MTA3: variants seen among roughly 807,000 people sequenced by gnomAD.
The protein encoded by MTA3 is metastasis associated 1 family member 3, also known as metastasis-associated protein MTA3.
In MTA3, 34 loss-of-function variants were observed where a neutral mutation model predicts 83.5. That is an observed-to-expected ratio of 0.41 (90% CI 0.31 to 0.54). The LOEUF (loss-of-function observed/expected upper bound fraction) is 0.54. Among genes scored for constraint, MTA3 ranks in the 20% least tolerant of loss-of-function variants. The pLI is 0.33. For synonymous variants in MTA3, 303 were observed against 252.7 expected (o/e 1.20, Z -1.89); for missense variants, 761 against 726.4 (o/e 1.05, Z -0.55).
intron 10 of MTA3, among the ~76,000 whole-genome samples, chr2:42,697,012 A>AAT (rs1360209783): frequency 6.6e-6 from 1 of 152,242 alleles, no homozygotes; most frequent in Non-Finnish European, 1.5e-5. Flanking sequence ...CCCTGTTCTA[A>AAT]AAGTTTCAAG....
chr2:42,702,184 C>G (rs181736991), intron 11 of MTA3: 3 of 152,410 alleles, frequency 2.0e-5, no homozygotes, highest in Admixed American at 2.0e-4. Context: ...GCACTCCAGC[C>G]TGGGTCACAA....
At chr2:42,538,497 G>A (rs539774067) in intron 2 of MTA3, among the ~76,000 whole-genome samples, 3 of 151,800 alleles carry the variant, frequency 2.0e-5, no homozygotes, top group Non-Finnish European at 4.4e-5. Flanking sequence ...CACCTGAGGT[G>A]AGGAGTTCGA....
chr2:42,722,914 T>A lies in MTA3; in HGVS notation c.1638T>A (p.Asn546Lys). Residue 546 changes from asparagine to lysine, a missense_variant, in exon 16 of 17, where the codon AAT (asparagine) becomes AAA (lysine). Asn to Lys is a moderately conservative substitution (Grantham distance 94). Transcript: ENST00000405094. ...YLEIHPAKKP[N>K]VIRSTPSLQT... ...AGATCCATCCTGCAAAGAAACCTAA[T>A]GTAATTCGATCTACACCAAGCCTGC... is the stretch of plus-strand genomic sequence containing the variant. 6.6e-7 allele frequency: 1 copy of A among 1,511,030 alleles called. No individual in the cohort carries two copies. The highest frequency in any genetic ancestry group is 8.9e-7 in the Non-Finnish European group (1 of 1,127,458). 93.6% of individuals were successfully genotyped at this position (1,511,030 alleles called of 1,614,324 possible).
In MTA3 at chr2:42,727,660, C is replaced by G. The variant is rs915119346; in HGVS notation, c.1759+4625C>G. ...ATCAGTTAGGATTAATTGCTTACTC[C>G]TCTGATTGCTTCTTGTGTGACCTTG... is the stretch of plus-strand genomic sequence containing the variant. On this transcript the variant is annotated intron_variant, in intron 16 of 16. Coordinates refer to ENST00000405094, the MANE Select transcript of MTA3 (RefSeq NM_001330442.2). Among the ~76,000 whole-genome samples the G allele has an allele frequency of 5.3e-5, 8 of 151,928 alleles. No homozygotes were observed. The East Asian group carries it at 1.5e-3, about 29-fold the overall frequency.
chr2:42,711,775 A>AGTGTGTGTTTGTGTGTTTGTGTGT (rs372997456), intron 14 of MTA3, among the ~76,000 whole-genome samples: 1 of 139,410 alleles, frequency 7.2e-6, no homozygotes, highest in Admixed American at 7.3e-5. Context: ...TGTATAGGAG[A>AGTGTGTGTTTGTGTGTTTGTGTGT]GAGAGAGAGT....
intron 12 of MTA3, among the ~76,000 whole-genome samples, chr2:42,705,943 T>C (rs1666043337): frequency 6.6e-6 from 1 of 152,230 alleles, no homozygotes; most frequent in East Asian, 1.9e-4. Context: ...TGATACCTAC[T>C]TTCCAATTGA....
intron 4 of MTA3, among the ~76,000 whole-genome samples, chr2:42,617,991 CT>C (rs1056733527): frequency 6.6e-6 from 1 of 151,862 alleles, no homozygotes. Context: ...GTTGCCCAGG[CT>C]GATGGGCAAT....
In MTA3 at chr2:42,622,500, C is replaced by G. The variant is rs539617983; in HGVS notation, c.317+12916C>G. Among the ~76,000 whole-genome samples, 6 of 152,220 alleles carry G rather than the reference C, an allele frequency of 3.9e-5. No homozygotes were observed. The East Asian group carries it at 1.2e-3, about 29-fold the overall frequency. ...AGTAATTATTCATAACAAATACTTG[C>G]TAATTTGTAATATGTTTTTATTTTA... On this transcript the variant is annotated intron_variant, in intron 4 of 16. Coordinates refer to ENST00000405094, the MANE Select transcript of MTA3 (RefSeq NM_001330442.2).
chr2:42,583,040 A>T (rs1045409254), intron 3 of MTA3, among the ~76,000 whole-genome samples: 1 of 152,076 alleles, frequency 6.6e-6, no homozygotes, highest in Non-Finnish European at 1.5e-5. Context: ...TAGAGAAATT[A>T]CTTCATTTTG....
chr2:42,548,802 C>CAAAA (rs1362657510), intron 2 of MTA3, among the ~76,000 whole-genome samples: 538 of 42,900 alleles, frequency 0.013, 36 homozygotes, highest in Middle Eastern at 0.043. Flanking sequence ...GACCCTGTCT[C>CAAAA]AAAAAAAAAT....
chr2:42,527,052 CAAAAAAAA>C (rs34030475), intron 2 of MTA3, among the ~76,000 whole-genome samples: 1 of 45,334 alleles, frequency 2.2e-5, no homozygotes, highest in Non-Finnish European at 4.0e-5. Flanking sequence ...GACTCTGTCT[CAAAAAAAA>C]AAAAAAAAAA....
chr2:42,715,681 A>G (rs1387344123), intron 14 of MTA3, among the ~76,000 whole-genome samples: 1 of 152,214 alleles, frequency 6.6e-6, no homozygotes, highest in South Asian at 2.1e-4. Context: ...ATGAGAAATT[A>G]GAAGCAAATA....
rs942623688 is a variant in MTA3 at position 42,755,079 on chromosome 2, TCTC to T, written c.*1684_*1686del. ...AGGGGTGGAGGTGGCAGGCAGGGGT[TCTC>T]CTCAGGGTTCCCACTGAGGGGTCCC... is the stretch of plus-strand genomic sequence containing the variant. On this transcript the variant is annotated 3_prime_UTR_variant, in exon 17 of 17. Transcript: ENST00000405094. 16 of 985,428 alleles carry T rather than the reference TCTC, an allele frequency of 1.6e-5. No individual in the cohort carries two copies. The highest frequency in any genetic ancestry group is 1.9e-5 in the Non-Finnish European group (16 of 830,046). The allele number at this position is 985,428 out of a possible 1,614,324, so 61.0% of individuals were successfully genotyped here.
intron 8 of MTA3, among the ~76,000 whole-genome samples, chr2:42,667,713 C>T (rs1051871866): frequency 2.6e-5 from 4 of 151,712 alleles, no homozygotes; most frequent in Non-Finnish European, 4.4e-5. Flanking sequence ...TAGCTCACTG[C>T]AGCCTCAAAC....
rs544837610 is a variant in MTA3, at chr2:42,662,696, C to T, written c.702+2834C>T. Among the ~76,000 whole-genome samples the T allele has an allele frequency of 6.6e-5, 10 of 151,546 alleles. No homozygotes were observed. The South Asian group carries it at 1.7e-3, about 25-fold the overall frequency. ...TTTAACTGTTTTAAATGACCTCCAC[C>T]GCCCCTATGTTTTCCCTAACTATAT... On this transcript the variant is annotated intron_variant, in intron 8 of 16. Transcript: ENST00000405094.
chr2:42,682,377 T>A (rs1424700086), intron 8 of MTA3, 24 bp from the exon 9 acceptor site: 2 of 1,532,128 alleles, frequency 1.3e-6, no homozygotes, highest in African/African-American at 2.7e-5. Flanking sequence ...TGGTTGATAT[T>A]TTCTGTTCAT....
At chr2:42,573,065 G>T (rs932949382) in intron 2 of MTA3, among the ~76,000 whole-genome samples, 1 of 152,150 alleles carries the variant, frequency 6.6e-6, no homozygotes, top group Non-Finnish European at 1.5e-5. Context: ...CAGTCAAGCT[G>T]CATGGACCAT....
At chr2:42,747,795 C>A (rs1669551439) in intron 16 of MTA3, among the ~76,000 whole-genome samples, 1 of 151,820 alleles carries the variant, frequency 6.6e-6, no homozygotes, top group Admixed American at 6.6e-5. Context: ...ATTAAGATAT[C>A]ATTGTCATTT....
chr2:42,706,008 A>G (rs1006359388), intron 12 of MTA3, among the ~76,000 whole-genome samples: 5 of 152,306 alleles, frequency 3.3e-5, no homozygotes, highest in African/African-American at 1.2e-4. Context: ...AATGATTTGC[A>G]TGATTAGTTT....
Sources: gnomAD v4.1 joint callset for allele counts (sites outside exome capture counted in the v4.1 genomes callset) on GRCh38, gnomAD v4.1.1 for gene constraint, MANE v1.5 for transcripts, NCBI Gene and HGNC (gene_info 2026-07-23, HGNC 2026-07-21) for gene names.